ZNF347: variants seen among roughly 807,000 people sequenced by gnomAD.
ZNF347 encodes the protein zinc finger protein 347.
ZNF347 carries 19 observed loss-of-function variants against 12.9 expected under a neutral mutation model. The observed-to-expected ratio is 1.47, with a 90% CI of 1.03 to 2.16. The LOEUF (loss-of-function observed/expected upper bound fraction) is 2.16. Ranked by LOEUF, ZNF347 falls within the 30% of genes most tolerant of loss-of-function variation. The probability of loss-of-function intolerance (pLI) is 0.00; values close to 1 mark genes in which losing one functional copy is unlikely to be tolerated. For synonymous variants in ZNF347, 328 were observed against 340.6 expected, an observed-to-expected ratio of 0.96 and a Z score of 0.41; for missense variants, 1,005 against 990.6, an observed-to-expected ratio of 1.01 and a Z score of -0.19.
intron 1 of ZNF347, among the ~76,000 whole-genome samples, chr19:53,156,430 C>T (rs940554766): frequency 2.6e-5 from 4 of 151,792 alleles, no homozygotes; most frequent in Non-Finnish European, 4.4e-5. Context: ...GACTGCATGA[C>T]GAGGTGCTAC....
At chr19:53,146,993 T>C (rs2090467196) in intron 4 of ZNF347, among the ~76,000 whole-genome samples, 2 of 152,118 alleles carry the variant, frequency 1.3e-5, no homozygotes, top group Non-Finnish European at 2.9e-5. Context: ...CCCAACAGTT[T>C]GGGAGGCTAA....
At chr19:53,147,110 C>G (rs1476862674) in intron 4 of ZNF347, among the ~76,000 whole-genome samples, 1 of 152,112 alleles carries the variant, frequency 6.6e-6, no homozygotes, top group Non-Finnish European at 1.5e-5. Context: ...CACGGTGGCT[C>G]ACGCCTGTAA....
At position 53,137,546 on chromosome 19, in the gene ZNF347, G is replaced by T. The variant is rs2090394147; in HGVS notation, c.*2762C>A. On this transcript the variant is annotated 3_prime_UTR_variant, in exon 5 of 5. Coordinates refer to ENST00000334197, the MANE Select transcript of ZNF347 (RefSeq NM_032584.3). The stretch of plus-strand genomic sequence containing the variant: ...ATACACATTTCCCTAAAACTTCATT[G>T]TTCAGCATCCTCATTTTCCATATCT... 6.6e-6 allele frequency: 1 copy of T among 152,288 alleles called. No homozygotes were observed. The highest frequency in any genetic ancestry group is 2.1e-4 in the South Asian group (1 of 4,826). The allele number at this position is 152,288 out of a possible 1,614,324, so 9.4% of individuals were successfully genotyped here.
In ZNF347 at chr19:53,141,789, A is replaced by G. The variant is rs1443890242; in HGVS notation, c.1039T>C (p.Cys347Arg). Residue 347 changes from cysteine to arginine, a missense_variant, in exon 5 of 5, where the codon TGT (cysteine) becomes CGT (arginine). Coordinates refer to ENST00000334197, the MANE Select transcript of ZNF347 (RefSeq NM_032584.3). ...GTGAAGACCTTGCCACATTCGTTAC[A>G]TTTATAAGGTTTCTCTCCAGTGTGA... ...KIHTGEKPYK[C>R]NECGKVFTQN... 1 of 1,613,674 alleles carries G rather than the reference A, an allele frequency of 6.2e-7. No homozygotes were observed. Among genetic ancestry groups the G allele is most frequent in the Non-Finnish European group, 8.5e-7 (1 of 1,179,922 alleles).
In ZNF347 at chr19:53,140,245, G is replaced by T; in HGVS notation, c.*63C>A. ...ATCTCTCAGGCATAAATTCTCTGAC[G>T]TTGTCAAAGGAATGAATTCTAACTG... On this transcript the variant is annotated 3_prime_UTR_variant, in exon 5 of 5. Transcript: ENST00000334197. 1 of 1,427,994 alleles carries T rather than the reference G, an allele frequency of 7.0e-7. No individual in the cohort carries two copies. The highest frequency in any genetic ancestry group is 9.5e-7 in the Non-Finnish European group (1 of 1,055,418). The allele number at this position is 1,427,994 out of a possible 1,614,324, so 88.5% of individuals were successfully genotyped here. A position where few individuals can be genotyped will look rare whatever the true frequency, so the allele number is the denominator to read the frequency against.
In ZNF347 at chr19:53,135,733, T is replaced by G. The variant is rs1304101959; in HGVS notation, c.*4575A>C. The G allele has an allele frequency of 6.6e-6, 1 of 152,198 alleles. No homozygotes were observed. Among genetic ancestry groups the G allele is most frequent in the Non-Finnish European group, 1.5e-5 (1 of 68,040 alleles). 9.4% of individuals were successfully genotyped at this position (152,198 alleles called of 1,614,324 possible). Reference sequence around the variant, plus strand: ...CTCACCTCTGAAATGAGAATATCATTAATACTTATTTCAGGAGCTGATGAT... The same window carrying G: ...CTCACCTCTGAAATGAGAATATCATGAATACTTATTTCAGGAGCTGATGAT... On this transcript the variant is annotated 3_prime_UTR_variant, in exon 5 of 5. Coordinates refer to ENST00000334197, the MANE Select transcript of ZNF347 (RefSeq NM_032584.3).
Position 53,140,758 on chromosome 19 carries a change from A to C in ZNF347, c.2070T>G (p.Phe690Leu). ...PYQCNECGKA[F>L]SQTSKLARHQ... is the part of the protein sequence containing the mutation. ...GCCTTGCAAGCTTTGATGTTTGACT[A>C]AAGGCTTTGCCACATTCATTACACT... Residue 690 changes from phenylalanine to leucine, a missense_variant, in exon 5 of 5, where the codon TTT becomes TTG. Physicochemically the swap from Phe to Leu is conservative, Grantham distance 22. Transcript: ENST00000334197. 6.2e-7 allele frequency: 1 copy of C among 1,612,516 alleles called. No homozygotes were observed. Among genetic ancestry groups the C allele is most frequent in the Non-Finnish European group, 8.5e-7 (1 of 1,179,194 alleles).
chr19:53,155,013 C>A (rs1257107206), intron 1 of ZNF347, among the ~76,000 whole-genome samples: 1 of 151,744 alleles, frequency 6.6e-6, no homozygotes, highest in Non-Finnish European at 1.5e-5. Context: ...TCTCGGCTCA[C>A]CGTAACCTCC....
At position 53,140,268 on chromosome 19, in the gene ZNF347, C is replaced by T. The variant is rs776074956; in HGVS notation, c.*40G>A. 32 of 1,502,218 alleles carry T rather than the reference C, an allele frequency of 2.1e-5. No individual in the cohort carries two copies. The highest frequency in any genetic ancestry group is 8.9e-7 in the Non-Finnish European group (1 of 1,121,228). 93.1% of individuals were successfully genotyped at this position (1,502,218 alleles called of 1,614,324 possible). Reference sequence around the variant, plus strand: ...ACGTTGTCAAAGGAATGAATTCTAACTGCAAAAGTTACCACCTTCATTTGT... The same window carrying T: ...ACGTTGTCAAAGGAATGAATTCTAATTGCAAAAGTTACCACCTTCATTTGT... On this transcript the variant is annotated 3_prime_UTR_variant, in exon 5 of 5. Coordinates refer to ENST00000334197, the MANE Select transcript of ZNF347 (RefSeq NM_032584.3).
chr19:53,145,517 C>A (rs916708427), intron 4 of ZNF347, among the ~76,000 whole-genome samples: 1 of 151,638 alleles, frequency 6.6e-6, no homozygotes, highest in East Asian at 2.0e-4. Context: ...CTCAGCCCCC[C>A]AAGTAGCAGA....
At chr19:53,157,143 A>G (rs1010991705) in intron 1 of ZNF347, among the ~76,000 whole-genome samples, 6 of 152,226 alleles carry the variant, frequency 3.9e-5, no homozygotes, top group African/African-American at 1.4e-4. Context: ...TAGTGATTGC[A>G]AATGAAGCTA....
intron 1 of ZNF347, among the ~76,000 whole-genome samples, chr19:53,156,043 C>CT (rs1005236623): frequency 2.1e-4 from 1 of 4,876 alleles, no homozygotes; most frequent in African/African-American, 1.2e-3. Flanking sequence ...GGACTCCCAG[C>CT]TCGGGGGGGG....
At position 53,140,218 on chromosome 19, in the gene ZNF347, G is replaced by C; in HGVS notation, c.*90C>G. On this transcript the variant is annotated 3_prime_UTR_variant, in exon 5 of 5. Transcript: ENST00000334197. ...CCCAGCCAGTCATTGCATTTTCAAG[G>C]AATCTCTCAGGCATAAATTCTCTGA... 2.3e-6 allele frequency: 3 copies of C among 1,285,024 alleles called. No individual in the cohort carries two copies. The highest frequency in any genetic ancestry group is 3.2e-6 in the Non-Finnish European group (3 of 928,228). 79.6% of individuals were successfully genotyped at this position (1,285,024 alleles called of 1,614,324 possible).
chr19:53,148,970 A>G, intron 3 of ZNF347, 161 bp from the exon 4 acceptor site: 3 of 1,091,970 alleles, frequency 2.7e-6, no homozygotes, highest in African/African-American at 1.6e-5. Flanking sequence ...ACACTATAAT[A>G]TGCAAATATA....
At chr19:53,143,978 T>C (rs2090446227) in intron 4 of ZNF347, among the ~76,000 whole-genome samples, 1 of 152,230 alleles carries the variant, frequency 6.6e-6, no homozygotes, top group Non-Finnish European at 1.5e-5. Context: ...AAGCCTGTAA[T>C]AGACATATTA....
At chr19:53,154,702 T>C (rs1217359372) in intron 1 of ZNF347, among the ~76,000 whole-genome samples, 1 of 151,948 alleles carries the variant, frequency 6.6e-6, no homozygotes, top group African/African-American at 2.4e-5. Context: ...CTGATAGGAA[T>C]GGAAAGATGA....
In ZNF347 at chr19:53,140,385, C is replaced by T. The variant is rs1568634930; in HGVS notation, c.2443G>A (p.Gly815Arg). 1 of 1,609,618 alleles carries T rather than the reference C, an allele frequency of 6.2e-7. No individual in the cohort carries two copies. The highest frequency in any genetic ancestry group is 8.5e-7 in the Non-Finnish European group (1 of 1,178,150). The part of the protein sequence containing the change: ...LTTHQTIHTG[G>R]KPYKCNVWKV... The stretch of plus-strand genomic sequence containing the variant: ...CACACGTTACATTTGTAAGGTTTCC[C>T]ACCAGTATGGATTGTCTGATGGGTA... The change falls in exon 5 of 5, where the codon GGG becomes AGG. Residue 815 changes from glycine to arginine, a missense_variant. By Grantham distance (125) the Gly-to-Arg change is moderately radical. Transcript: ENST00000334197.
At position 53,140,415 on chromosome 19, in the gene ZNF347, G is replaced by T; in HGVS notation, c.2413C>A (p.Leu805Ile). The stretch of plus-strand genomic sequence containing the variant: ...GTATGGATTGTCTGATGGGTAGTTA[G>T]GCTTGAACAGATACTAAAGGGTTTC... Reference protein sequence around the residue: ...CGKPFSICSSLTTHQTIHTGG... With the variant: ...CGKPFSICSSITTHQTIHTGG... Residue 805 changes from leucine to isoleucine, a missense_variant, in exon 5 of 5, where the codon CTA becomes ATA. Physicochemically the swap from Leu to Ile is conservative, Grantham distance 5 (BLOSUM62 2). Coordinates refer to ENST00000334197, the MANE Select transcript of ZNF347 (RefSeq NM_032584.3). 1 of 1,614,000 alleles carries T rather than the reference G, an allele frequency of 6.2e-7. No homozygotes were observed. The highest frequency in any genetic ancestry group is 8.5e-7 in the Non-Finnish European group (1 of 1,179,930).
intron 1 of ZNF347, 45 bp from the exon 2 acceptor site, chr19:53,153,838 C>T: frequency 6.9e-7 from 1 of 1,457,340 alleles, no homozygotes; most frequent in South Asian, 1.1e-5. Flanking sequence ...ATTGAATATC[C>T]AAAATGTGCT....
Sources: gnomAD v4.1 joint callset for allele counts (sites outside exome capture counted in the v4.1 genomes callset) on GRCh38, gnomAD v4.1.1 for gene constraint, MANE v1.5 for transcripts, NCBI Gene and HGNC (gene_info 2026-07-23, HGNC 2026-07-21) for gene names.